GIN1: variants seen among roughly 807,000 people sequenced by gnomAD.
The protein encoded by GIN1 is gypsy retrotransposon integrase 1, also known as gypsy retrotransposon integrase-like protein 1.
A neutral mutation model predicts 51.4 loss-of-function variants in GIN1; 41 were observed. That is an observed-to-expected ratio of 0.80 (90% CI 0.62 to 1.04). The LOEUF is 1.04. Among genes scored for constraint, GIN1 ranks in the 50% least tolerant of loss-of-function variants. The pLI is 0.00. For missense variants in GIN1, 610 were observed against 612.4 expected (o/e 1.00, Z 0.04); for synonymous variants, 222 against 206.5 (o/e 1.07, Z -0.64).
At chr5:103,091,576 C>T (rs1436275543) in intron 7 of GIN1, among the ~76,000 whole-genome samples, 2 of 152,154 alleles carry the variant, frequency 1.3e-5, no homozygotes, top group Non-Finnish European at 1.5e-5. Context: ...TTGGTTTTGA[C>T]AAGACTGAAT....
chr5:103,118,108 G>A (rs1218071078), intron 1 of GIN1, among the ~76,000 whole-genome samples: 1 of 152,102 alleles, frequency 6.6e-6, no homozygotes, highest in African/African-American at 2.4e-5. Flanking sequence ...ATTTGTGAAT[G>A]AATAAAGAAT....
intron 1 of GIN1, among the ~76,000 whole-genome samples, chr5:103,118,529 TAATC>T (rs1788139198): frequency 6.6e-6 from 1 of 152,124 alleles, no homozygotes; most frequent in Admixed American, 6.5e-5. Flanking sequence ...AAGAAGAAAA[TAATC>T]AGAAGACTCA....
chr5:103,093,464 C>G (rs73197889), intron 7 of GIN1, among the ~76,000 whole-genome samples: 3 of 152,138 alleles, frequency 2.0e-5, no homozygotes, highest in Non-Finnish European at 4.4e-5. Context: ...AGCTTCCAGA[C>G]AGGAACACAA....
At chr5:103,108,872 T>C (rs1339611474) in intron 1 of GIN1, among the ~76,000 whole-genome samples, 158 bp from the exon 2 acceptor site, 1 of 152,184 alleles carries the variant, frequency 6.6e-6, no homozygotes, top group East Asian at 1.9e-4. Context: ...GGAACAGCGA[T>C]GTATATGAAC....
rs964377196 is a variant in GIN1, at chr5:103,086,919, C to A, written c.*979G>T. ...TATCATAGAAATTACAGTTTAAAATCTTTGATACTGGTTATTTTATGATTT... is the reference window on the plus strand; with the variant it reads ...TATCATAGAAATTACAGTTTAAAATATTTGATACTGGTTATTTTATGATTT... On this transcript the variant is annotated 3_prime_UTR_variant, in exon 8 of 8. Coordinates refer to ENST00000399004, the MANE Select transcript of GIN1 (RefSeq NM_017676.2). 6.6e-6 allele frequency: 1 copy of A among 152,128 alleles called. No homozygotes were observed. Among genetic ancestry groups the A allele is most frequent in the Admixed American group, 6.5e-5 (1 of 15,282 alleles). The allele number at this position is 152,128 out of a possible 1,614,324, so 9.4% of individuals were successfully genotyped here.
At chr5:103,119,882 C>A (rs1318117777) in intron 1 of GIN1, among the ~76,000 whole-genome samples, 182 bp downstream of exon 1, 1 of 152,206 alleles carries the variant, frequency 6.6e-6, no homozygotes, top group African/African-American at 2.4e-5. Context: ...GCTCAGCTAG[C>A]GCGGGACATC....
chr5:103,118,124 G>T (rs1788096052), intron 1 of GIN1, among the ~76,000 whole-genome samples: 2 of 152,112 alleles, frequency 1.3e-5, no homozygotes, highest in Non-Finnish European at 2.9e-5. Context: ...AGAATTACCT[G>T]CATTTCCTGA....
rs782467399 is a variant in GIN1, at chr5:103,116,962, T to C, written c.-8+3102A>G. On this transcript the variant is annotated intron_variant, in intron 1 of 7. Transcript: ENST00000399004. ...TCTTACTGGTGATAATAGAAAATGATGTAAACATGTTGGAAAACAGTTTGG... is the reference window on the plus strand; with the variant it reads ...TCTTACTGGTGATAATAGAAAATGACGTAAACATGTTGGAAAACAGTTTGG... 5.3e-5 allele frequency among the ~76,000 whole-genome samples: 8 copies of C among 152,248 alleles called. No individual in the cohort carries two copies. The East Asian group carries it at 5.8e-4, about 11-fold the overall frequency.
intron 4 of GIN1, 41 bp downstream of exon 4, chr5:103,104,500 G>T (rs1787666680): frequency 3.1e-6 from 3 of 966,218 alleles, no homozygotes; most frequent in Non-Finnish European, 4.8e-6. Context: ...CTGAAAAGAA[G>T]TAAGATATGC....
intron 4 of GIN1, among the ~76,000 whole-genome samples, chr5:103,100,833 G>A (rs1787551865): frequency 6.6e-6 from 1 of 152,086 alleles, no homozygotes; most frequent in South Asian, 2.1e-4. Flanking sequence ...TGCACTTAGG[G>A]TAAGGCTCTC....
chr5:103,106,881 G>A lies in GIN1; in HGVS notation c.168C>T (p.Asp56=), dbSNP rs544739519. Residue 56 remains aspartate, a synonymous_variant, in exon 3 of 8, where the codon GAC becomes GAT. Transcript: ENST00000399004. ...CAATTACCAAACGATTTTGTTTTCT[G>A]TCTTTTCCAACATAAAACAGCTTTT... is the stretch of plus-strand genomic sequence containing the variant. The part of the protein sequence containing the change: ...KEKKLFYVGK[D]RKQNRLVIVS... The A allele has an allele frequency of 6.3e-7, 1 of 1,576,496 alleles. No individual in the cohort carries two copies. Among genetic ancestry groups the A allele is most frequent in the South Asian group, 1.2e-5 (1 of 84,832 alleles).
chr5:103,095,313 A>G (rs891228578), intron 7 of GIN1, among the ~76,000 whole-genome samples: 1 of 152,156 alleles, frequency 6.6e-6, no homozygotes, highest in Non-Finnish European at 1.5e-5. Context: ...CATAATCTAA[A>G]AGCCATGGCA....
At position 103,106,899 on chromosome 5, in the gene GIN1, CA is replaced by C. The variant is rs1465699315; in HGVS notation, c.149del (p.Leu50ArgfsTer14). 6.4e-7 allele frequency: 1 copy of C among 1,555,462 alleles called. No homozygotes were observed. The highest frequency in any genetic ancestry group is 8.7e-7 in the Non-Finnish European group (1 of 1,150,176). On this transcript the variant is annotated frameshift_variant, in exon 3 of 8. Transcript: ENST00000399004. LOFTEE classifies it high-confidence loss of function. ...AKKFVFKEKK[L>X]FYVGKDRKQN... is the part of the protein sequence containing the mutation. ...GTTTTCTGTCTTTTCCAACATAAAA[CA>C]GCTTTTTTTCTGGAATAAATGATAC...
At chr5:103,092,061 C>A (rs1215179792) in intron 7 of GIN1, among the ~76,000 whole-genome samples, 1 of 151,990 alleles carries the variant, frequency 6.6e-6, no homozygotes, top group Non-Finnish European at 1.5e-5. Context: ...CTCTGTCACT[C>A]AGGCTGGAGT....
intron 7 of GIN1, 37 bp downstream of exon 7, chr5:103,096,504 A>ATACCTTCTCT: frequency 6.9e-7 from 1 of 1,441,840 alleles, no homozygotes; most frequent in South Asian, 1.2e-5. Context: ...CTCCTTACCT[A>ATACCTTCTCT]AAGCAATAAA....
intron 2 of GIN1, among the ~76,000 whole-genome samples, chr5:103,108,170 C>G (rs79927025): frequency 6.6e-6 from 1 of 151,956 alleles, no homozygotes; most frequent in African/African-American, 2.4e-5. Flanking sequence ...ATAGTTAATT[C>G]CTTCCAGTTT....
At chr5:103,094,424 A>C (rs1280804355) in intron 7 of GIN1, among the ~76,000 whole-genome samples, 5 of 152,148 alleles carry the variant, frequency 3.3e-5, no homozygotes, top group Non-Finnish European at 7.4e-5. Flanking sequence ...ATATTGCAAT[A>C]TTATTTGTCC....
At position 103,089,457 on chromosome 5, in the gene GIN1, T is replaced by C. The variant is rs565030289; in HGVS notation, c.1295-1285A>G. ...TATTTTTCATTCATTCATTCATTCATTCATTCACTCATTCATTCATTCATG... is the reference window on the plus strand; with the variant it reads ...TATTTTTCATTCATTCATTCATTCACTCATTCACTCATTCATTCATTCATG... On this transcript the variant is annotated intron_variant, in intron 7 of 7. Coordinates refer to ENST00000399004, the MANE Select transcript of GIN1 (RefSeq NM_017676.2). 6.8e-3 allele frequency among the ~76,000 whole-genome samples: 1,029 copies of C among 152,238 alleles called. 7 individuals carry two copies. The highest frequency in any genetic ancestry group is 0.013 in the Non-Finnish European group (855 of 68,014).
intron 4 of GIN1, among the ~76,000 whole-genome samples, chr5:103,098,495 C>T (rs530392885): frequency 2.6e-5 from 4 of 151,956 alleles, no homozygotes; most frequent in Non-Finnish European, 5.9e-5. Flanking sequence ...TGGTGGGGGG[C>T]GGTGGGAGAC....
Sources: gnomAD v4.1 joint callset for allele counts (sites outside exome capture counted in the v4.1 genomes callset) on GRCh38, gnomAD v4.1.1 for gene constraint, MANE v1.5 for transcripts, NCBI Gene and HGNC (gene_info 2026-07-23, HGNC 2026-07-21) for gene names.